Variants in IGSF10 observed in about 807,000 individuals in gnomAD.
The protein encoded by IGSF10 is calvaria mechanical force protein 608.
IGSF10 carries 126 observed loss-of-function variants against 128.2 expected under a neutral mutation model. That is an observed-to-expected ratio of 0.98 (90% confidence interval 0.85 to 1.14). The LOEUF (loss-of-function observed/expected upper bound fraction) is 1.14, where lower values mean the gene tolerates loss of function less well. Ranked by LOEUF, IGSF10 falls within the 50% of genes most tolerant of loss-of-function variation. The pLI, the probability that IGSF10 is intolerant of heterozygous loss-of-function variation, is 0.00. For missense variants in IGSF10, 3,295 were observed against 3,149.8 expected, an observed-to-expected ratio of 1.05 and a Z score of -1.10; for synonymous variants, 1,185 against 1,146.2, an observed-to-expected ratio of 1.03 and a Z score of -0.68.
At chr3:151,601,218 C>T in the IGSF10 span, among the ~76,000 whole-genome samples, 2 of 151,866 alleles carry the variant, frequency 1.3e-5, no homozygotes, top group African/African-American at 4.8e-5. Flanking sequence ...GGCTCAAACT[C>T]TAAATTAAAA....
At chr3:151,495,310 C>G in the IGSF10 span, among the ~76,000 whole-genome samples, 3 of 152,086 alleles carry the variant, frequency 2.0e-5, no homozygotes, top group Non-Finnish European at 4.4e-5. Flanking sequence ...TATTCTCATA[C>G]AACAGAGAAG....
chr3:151,525,175 G>A, the IGSF10 span, among the ~76,000 whole-genome samples: 2 of 151,506 alleles, frequency 1.3e-5, no homozygotes, highest in Non-Finnish European at 2.9e-5. Context: ...ACAGGCACCA[G>A]CCACCCTGCC....
the IGSF10 span, among the ~76,000 whole-genome samples, chr3:151,477,248 C>A: frequency 6.6e-6 from 1 of 152,068 alleles, no homozygotes; most frequent in African/African-American, 2.4e-5. Flanking sequence ...CTTGCCCATT[C>A]TTCTCTAATA....
chr3:151,548,061 C>G, the IGSF10 span, among the ~76,000 whole-genome samples: 1 of 152,172 alleles, frequency 6.6e-6, no homozygotes, highest in Non-Finnish European at 1.5e-5. Flanking sequence ...CCCTTTGAAT[C>G]TGCATGGCCA....
chr3:151,609,314 T>G, the IGSF10 span, among the ~76,000 whole-genome samples: 1 of 152,222 alleles, frequency 6.6e-6, no homozygotes, highest in Non-Finnish European at 1.5e-5. Flanking sequence ...AAGTAGCTTA[T>G]GCTAGAGTTG....
chr3:151,513,084 A>C, the IGSF10 span, among the ~76,000 whole-genome samples: 1 of 152,222 alleles, frequency 6.6e-6, no homozygotes, highest in Non-Finnish European at 1.5e-5. Flanking sequence ...AATCAATAGA[A>C]AAAGAGGGAA....
Position 151,443,375 on chromosome 3 carries a change from C to T in IGSF10, c.5572G>A (p.Glu1858Lys). The change falls in exon 7 of 8, where the codon GAA (glutamate) becomes AAA (lysine). Residue 1858 changes from glutamate to lysine, a missense_variant. Coordinates refer to ENST00000282466, the MANE Select transcript of IGSF10 (RefSeq NM_178822.5). ...RRQVIVGTWG[E>K]SLKLPCTAKG... ...GCAGTACAGGGCAGTTTTAAACTTT[C>T]ACCCCAAGTGCCTACAATGACTTGC... 6.2e-7 allele frequency: 1 copy of T among 1,614,220 alleles called. No individual in the cohort carries two copies. Among genetic ancestry groups the T allele is most frequent in the Non-Finnish European group, 8.5e-7 (1 of 1,180,048 alleles).
the IGSF10 span, among the ~76,000 whole-genome samples, chr3:151,600,227 G>T: frequency 1.3e-5 from 2 of 151,860 alleles, no homozygotes; most frequent in Non-Finnish European, 2.9e-5. Flanking sequence ...ATTTTAAAAT[G>T]TTATTTTTAA....
At chr3:151,541,471 G>C in the IGSF10 span, among the ~76,000 whole-genome samples, 20 of 152,084 alleles carry the variant, frequency 1.3e-4, no homozygotes, top group Non-Finnish European at 2.5e-4. Context: ...TTTTCTTATA[G>C]TCATATAGAT....
At chr3:151,544,041 C>T in the IGSF10 span, among the ~76,000 whole-genome samples, 6 of 152,208 alleles carry the variant, frequency 3.9e-5, no homozygotes, top group Non-Finnish European at 5.9e-5. Context: ...TCCCAAGTAG[C>T]TGGGACTACA....
the IGSF10 span, among the ~76,000 whole-genome samples, chr3:151,527,906 T>C: frequency 1.3e-5 from 2 of 152,054 alleles, no homozygotes; most frequent in African/African-American, 4.8e-5. Flanking sequence ...TGAGCTGTGT[T>C]CATGTCACTA....
At chr3:151,490,127 T>C in the IGSF10 span, among the ~76,000 whole-genome samples, 1 of 152,200 alleles carries the variant, frequency 6.6e-6, no homozygotes, top group Non-Finnish European at 1.5e-5. Context: ...GATCCAATTA[T>C]ATGCTGCTTT....
chr3:151,438,343 C>T lies in IGSF10; in HGVS notation c.6218G>A (p.Ser2073Asn), dbSNP rs1720568500. The T allele has an allele frequency of 1.9e-6, 3 of 1,614,102 alleles. No individual in the cohort carries two copies. Among genetic ancestry groups the T allele is most frequent in the Non-Finnish European group, 2.5e-6 (3 of 1,180,040 alleles). Residue 2073 changes from serine (S) to asparagine (N), a missense_variant, in exon 8 of 8, where the codon AGT becomes AAT. Ser to Asn is a conservative substitution (Grantham distance 46). Coordinates refer to ENST00000282466, the MANE Select transcript of IGSF10 (RefSeq NM_178822.5). ...GTTGATCATGGTTCCATCAGGCAAA[C>T]TCCAAGATATCTCTGGCACTGGGGA... Reference protein sequence around the residue: ...SGSPVPEISWSLPDGTMINNA... With the variant: ...SGSPVPEISWNLPDGTMINNA...
At chr3:151,507,237 T>G in the IGSF10 span, among the ~76,000 whole-genome samples, 1 of 152,152 alleles carries the variant, frequency 6.6e-6, no homozygotes, top group East Asian at 1.9e-4. Flanking sequence ...CAGTTCTGTC[T>G]TCTGTCCTGA....
At chr3:151,444,786 G>C (rs1257409218) in intron 6 of IGSF10, 133 bp downstream of exon 6, 2 of 743,852 alleles carry the variant, frequency 2.7e-6, no homozygotes, top group Non-Finnish European at 4.2e-6. Flanking sequence ...TGTCAAATGA[G>C]GATATTAATA....
At chr3:151,457,988 GAC>G (rs1412704782) in intron 3 of IGSF10, among the ~76,000 whole-genome samples, 2 of 151,936 alleles carry the variant, frequency 1.3e-5, no homozygotes, top group Admixed American at 6.6e-5. Context: ...TGTGTATTCA[GAC>G]ACACACAGAC....
In IGSF10 at chr3:151,448,980, A is replaced by G; in HGVS notation, c.1001T>C (p.Ile334Thr). The change falls in exon 6 of 8, where the codon ATT becomes ACT. Residue 334 changes from isoleucine to threonine, a missense_variant. Ile to Thr is a moderately conservative substitution (Grantham distance 89). Transcript: ENST00000282466. Reference protein sequence around the residue: ...SGNEANMVCSIQKPSRTSPIA... With the variant: ...SGNEANMVCSTQKPSRTSPIA... Reference sequence around the variant, plus strand: ...GGGTGATGTCCTTGAGGGCTTTTGAATACTGCAGACCATGTTAGCTTCATT... The same window carrying G: ...GGGTGATGTCCTTGAGGGCTTTTGAGTACTGCAGACCATGTTAGCTTCATT... 17 of 1,614,248 alleles carry G rather than the reference A, an allele frequency of 1.1e-5. No homozygotes were observed. Among genetic ancestry groups the G allele is most frequent in the Non-Finnish European group, 1.4e-5 (16 of 1,180,034 alleles).
the IGSF10 span, among the ~76,000 whole-genome samples, chr3:151,524,859 G>A: frequency 1.1e-3 from 168 of 151,930 alleles, no homozygotes; most frequent in African/African-American, 3.9e-3. Context: ...TCAACTGAGT[G>A]GATTTTGATT....
the IGSF10 span, among the ~76,000 whole-genome samples, chr3:151,520,896 TA>T: frequency 5.9e-5 from 9 of 151,406 alleles, no homozygotes; most frequent in South Asian, 1.9e-3. Context: ...CTTGAATGTA[TA>T]AAAAATGGCT....
Sources: gnomAD v4.1 joint callset for allele counts (sites outside exome capture counted in the v4.1 genomes callset) on GRCh38, gnomAD v4.1.1 for gene constraint, MANE v1.5 for transcripts, NCBI Gene and HGNC (gene_info 2026-07-23, HGNC 2026-07-21) for gene names.